The following ITPKB variants were observed in gnomAD, a reference collection of about 807,000 sequenced individuals.
ITPKB encodes inositol-trisphosphate 3-kinase B.
Under a neutral mutation model 69.4 loss-of-function variants are expected in ITPKB, and 13 were observed. The observed-to-expected ratio is 0.19, with a 90% CI of 0.12 to 0.30. ITPKB has a LOEUF of 0.30. Among genes scored for constraint, ITPKB ranks in the 10% least tolerant of loss-of-function variants. The pLI, the probability that ITPKB is intolerant of heterozygous loss-of-function variation, is 1.00. For missense variants in ITPKB, 1,240 were observed against 1,250.5 expected, an observed-to-expected ratio of 0.99 and a Z score of 0.13; for synonymous variants, 584 against 513.7, an observed-to-expected ratio of 1.14 and a Z score of -1.85.
intron 2 of ITPKB, among the ~76,000 whole-genome samples, chr1:226,663,130 C>A (rs759659565): frequency 6.6e-6 from 1 of 152,218 alleles, no homozygotes; most frequent in Admixed American, 6.5e-5. Flanking sequence ...GTCATCTTGA[C>A]GGTATGTGTG....
At chr1:226,684,015 C>A (rs994794935) in intron 2 of ITPKB, among the ~76,000 whole-genome samples, 1 of 152,180 alleles carries the variant, frequency 6.6e-6, no homozygotes, top group African/African-American at 2.4e-5. Flanking sequence ...TCCATACTGA[C>A]AAACCATCTG....
intron 2 of ITPKB, among the ~76,000 whole-genome samples, chr1:226,703,794 C>G (rs1370521486): frequency 6.6e-6 from 1 of 152,226 alleles, no homozygotes; most frequent in Non-Finnish European, 1.5e-5. Context: ...CGCCAGCTTC[C>G]GGCTTGGGAG....
chr1:226,700,027 C>T (rs866377853), intron 2 of ITPKB, among the ~76,000 whole-genome samples: 9 of 152,130 alleles, frequency 5.9e-5, no homozygotes, highest in Admixed American at 2.0e-4. Context: ...CTAGTCTTTT[C>T]GCGTTTTTCT....
intron 2 of ITPKB, among the ~76,000 whole-genome samples, chr1:226,703,445 GC>G (rs1033355139): frequency 3.9e-4 from 59 of 152,342 alleles, no homozygotes; most frequent in African/African-American, 1.3e-3. Context: ...GTGAAGCAGG[GC>G]CTGCTCTACA....
intron 2 of ITPKB, among the ~76,000 whole-genome samples, chr1:226,691,506 C>T (rs1010413196): frequency 6.6e-6 from 1 of 152,172 alleles, no homozygotes; most frequent in Admixed American, 6.5e-5. Flanking sequence ...CCTGAGTCAA[C>T]AGCAGGAAGG....
intron 7 of ITPKB, among the ~76,000 whole-genome samples, chr1:226,636,610 G>A (rs1028954956): frequency 1.3e-5 from 2 of 152,346 alleles, no homozygotes; most frequent in Middle Eastern, 3.4e-3. Flanking sequence ...CTCCATGTAA[G>A]ACCCCATACA....
At chr1:226,662,087 T>C (rs1227850445) in intron 2 of ITPKB, among the ~76,000 whole-genome samples, 1 of 152,128 alleles carries the variant, frequency 6.6e-6, no homozygotes, top group Non-Finnish European at 1.5e-5. Context: ...GGAGAGCCAC[T>C]AGAGGCTCTC....
rs114916649 is a variant in ITPKB, at chr1:226,645,386, G to A, written c.2246+1781C>T. Among the ~76,000 whole-genome samples, 1,176 of 152,312 alleles carry A rather than the reference G, an allele frequency of 7.7e-3. 13 individuals carry two copies. The highest frequency in any genetic ancestry group is 0.027 in the African/African-American group (1,114 of 41,562). ...AGCACTAGGGTGCAATCAGAGAGAA[G>A]CTGCGGAAGTCAAGCGGCTGGGTGG... On this transcript the variant is annotated intron_variant, in intron 4 of 7. Transcript: ENST00000429204.
chr1:226,650,313 CA>C (rs1031436435), intron 2 of ITPKB, among the ~76,000 whole-genome samples: 2 of 152,204 alleles, frequency 1.3e-5, no homozygotes, highest in Non-Finnish European at 2.9e-5. Flanking sequence ...TTCTTATCCC[CA>C]TCCCAGAAAC....
intron 4 of ITPKB, among the ~76,000 whole-genome samples, chr1:226,644,893 G>A (rs1669033048): frequency 6.6e-6 from 1 of 152,240 alleles, no homozygotes. Flanking sequence ...TTTGGGGGAA[G>A]GCACAGTCCA....
At chr1:226,704,593 A>G (rs549298075) in intron 2 of ITPKB, among the ~76,000 whole-genome samples, 2 of 152,372 alleles carry the variant, frequency 1.3e-5, no homozygotes, top group South Asian at 2.1e-4. Flanking sequence ...ACATGTGACA[A>G]AAGCACTGGA....
rs115803447 is a variant in ITPKB, at chr1:226,639,798, C to T, written c.2452-140G>A. On this transcript the variant is annotated intron_variant, in intron 5 of 7. Transcript: ENST00000429204. Reference sequence around the variant, plus strand: ...GCCAGTGGAGGCACCCAGGTGTCCACGTATGGCGCATGGAGGTGGCGTGCA... The same window carrying T: ...GCCAGTGGAGGCACCCAGGTGTCCATGTATGGCGCATGGAGGTGGCGTGCA... The T allele has an allele frequency of 5.1e-3, 3,384 of 669,498 alleles. 85 individuals are homozygous for T. In the African/African-American group the frequency reaches 0.052, roughly 10 times the overall value. The allele number at this position is 669,498 out of a possible 1,614,324, so 41.5% of individuals were successfully genotyped here.
At chr1:226,707,702 A>G in intron 2 of ITPKB, 1 of 1,029,786 alleles carries the variant, frequency 9.7e-7, no homozygotes. Flanking sequence ...AGAATTACAA[A>G]TTACAACTTC....
intron 7 of ITPKB, among the ~76,000 whole-genome samples, chr1:226,635,592 T>C (rs1668818835): frequency 6.6e-6 from 1 of 152,160 alleles, no homozygotes; most frequent in African/African-American, 2.4e-5. Flanking sequence ...TCCTAGAACC[T>C]GACTCCTCCC....
At chr1:226,694,755 C>G (rs1656436848) in intron 2 of ITPKB, among the ~76,000 whole-genome samples, 1 of 152,222 alleles carries the variant, frequency 6.6e-6, no homozygotes, top group Non-Finnish European at 1.5e-5. Context: ...ACCACCCTTA[C>G]AGTTGTGACA....
intron 2 of ITPKB, among the ~76,000 whole-genome samples, chr1:226,716,140 G>A (rs1191685404): frequency 6.6e-6 from 1 of 152,198 alleles, no homozygotes; most frequent in Non-Finnish European, 1.5e-5. Flanking sequence ...CATTTTCTGA[G>A]CTTATAACAT....
intron 3 of ITPKB, among the ~76,000 whole-genome samples, chr1:226,648,431 C>A (rs967825125): frequency 7.1e-6 from 1 of 139,908 alleles, no homozygotes; most frequent in African/African-American, 2.7e-5. Flanking sequence ...AGCCAGAGAC[C>A]GAGGGAGGGG....
intron 2 of ITPKB, among the ~76,000 whole-genome samples, chr1:226,705,170 C>T (rs1656769483): frequency 6.6e-6 from 1 of 152,198 alleles, no homozygotes; most frequent in South Asian, 2.1e-4. Context: ...CTTTATCCCT[C>T]ATCTCACATT....
At chr1:226,640,013 C>A (rs1668924513) in intron 5 of ITPKB, among the ~76,000 whole-genome samples, 1 of 152,156 alleles carries the variant, frequency 6.6e-6, no homozygotes, top group African/African-American at 2.4e-5. Flanking sequence ...GAGGGTCGGC[C>A]TCGACTTCCC....
Sources: gnomAD v4.1 joint callset for allele counts (sites outside exome capture counted in the v4.1 genomes callset) on GRCh38, gnomAD v4.1.1 for gene constraint, MANE v1.5 for transcripts, NCBI Gene and HGNC (gene_info 2026-07-23, HGNC 2026-07-21) for gene names.